The following CISD2 variants were observed in gnomAD, a reference collection of about 807,000 sequenced individuals.
CISD2 encodes the protein CDGSH iron-sulfur domain-containing protein 2.
A neutral mutation model predicts 12.9 loss-of-function variants in CISD2; 1 was observed. That is an observed-to-expected ratio of 0.08 (90% CI 0.03 to 0.37). The LOEUF (loss-of-function observed/expected upper bound fraction) is 0.37, where lower values mean the gene tolerates loss of function less well. CISD2 is among the 10% of genes least tolerant of loss of function. CISD2 has a pLI of 0.99. For missense variants in CISD2, 97 were observed against 163.1 expected, an observed-to-expected ratio of 0.59 and a Z score of 2.21; for synonymous variants, 50 against 60.6, an observed-to-expected ratio of 0.83 and a Z score of 0.81.
intron 1 of CISD2, among the ~76,000 whole-genome samples, chr4:102,877,865 G>T (rs1413775033): frequency 6.6e-6 from 1 of 152,196 alleles, no homozygotes; most frequent in Non-Finnish European, 1.5e-5. Flanking sequence ...CAAGCTGTAT[G>T]TTGGCCCCTT....
chr4:102,888,489 T>C lies in CISD2; in HGVS notation c.*1059T>C, dbSNP rs554440776. The C allele has an allele frequency of 2.0e-5, 3 of 152,352 alleles. No individual in the cohort carries two copies. In the East Asian group the frequency reaches 5.8e-4, roughly 29 times the overall value. 9.4% of individuals were successfully genotyped at this position (152,352 alleles called of 1,614,324 possible). On this transcript the variant is annotated 3_prime_UTR_variant, in exon 3 of 3. Transcript: ENST00000273986. ...TGATTGAAAAAAGTATGCGCGTAAT[T>C]GTACCCACCCAGTTCAAACCCGTGT... is the stretch of plus-strand genomic sequence containing the variant.
intron 1 of CISD2, among the ~76,000 whole-genome samples, chr4:102,871,901 T>A (rs1235254525): frequency 1.3e-5 from 2 of 152,204 alleles, no homozygotes; most frequent in African/African-American, 4.8e-5. Context: ...GACTCTCTTA[T>A]GATGACTCTG....
chr4:102,874,546 A>C (rs532135357), intron 1 of CISD2: 2 of 152,272 alleles, frequency 1.3e-5, no homozygotes, highest in African/African-American at 4.8e-5. Flanking sequence ...ACACCATGTG[A>C]AGATGGAGGC....
chr4:102,885,446 A>T lies in CISD2; in HGVS notation c.318+16A>T, dbSNP rs1224310922. 1 of 1,603,362 alleles carries T rather than the reference A, an allele frequency of 6.2e-7. No homozygotes were observed. Among genetic ancestry groups the T allele is most frequent in the Admixed American group, 1.7e-5 (1 of 60,004 alleles). ...TTCTAAAACGGTAAGATGTCTGTTT[A>T]CGTGTACACTAAAATTTTGCAGTGC... On this transcript the variant is annotated intron_variant, in intron 2 of 2. Coordinates refer to ENST00000273986, the MANE Select transcript of CISD2 (RefSeq NM_001008388.5).
chr4:102,877,818 C>G (rs1560903068), intron 1 of CISD2, among the ~76,000 whole-genome samples: 1 of 152,222 alleles, frequency 6.6e-6, no homozygotes, highest in African/African-American at 2.4e-5. Context: ...ATGGAAGCCA[C>G]CAAGGCTTGT....
rs1341956715 is a variant in CISD2 at position 102,891,725 on chromosome 4, ATTAT to A, written c.*4302_*4305del. On this transcript the variant is annotated 3_prime_UTR_variant, in exon 3 of 3. Coordinates refer to ENST00000273986, the MANE Select transcript of CISD2 (RefSeq NM_001008388.5). ...CTTAATGACTATAATTTACTACATA[ATTAT>A]TTATTTTGTTAAAGTTTGAGGAAAA... 24 of 152,248 alleles carry A rather than the reference ATTAT, an allele frequency of 1.6e-4. No individual in the cohort carries two copies. Among genetic ancestry groups the A allele is most frequent in the Non-Finnish European group, 3.2e-4 (22 of 68,046 alleles). 9.4% of individuals were successfully genotyped at this position (152,248 alleles called of 1,614,324 possible). A position where few individuals can be genotyped will look rare whatever the true frequency, so the allele number is the denominator to read the frequency against.
chr4:102,869,980 T>C (rs1223798222), intron 1 of CISD2, among the ~76,000 whole-genome samples: 1 of 152,090 alleles, frequency 6.6e-6, no homozygotes, highest in Non-Finnish European at 1.5e-5. Flanking sequence ...ACTTGGGAGA[T>C]TGTGTTGAGT....
intron 1 of CISD2, 180 bp downstream of exon 1, chr4:102,869,367 C>G: frequency 1.2e-6 from 1 of 804,068 alleles, no homozygotes; most frequent in Non-Finnish European, 2.1e-6. Flanking sequence ...GTGAGGCAGT[C>G]TCCGGGTGCT....
intron 2 of CISD2, 54 bp from the exon 3 acceptor site, chr4:102,887,287 T>C: frequency 9.6e-7 from 1 of 1,038,626 alleles, no homozygotes; most frequent in Non-Finnish European, 1.5e-6. Context: ...CAAATGTTTC[T>C]ACCTAATGAA....
chr4:102,888,751 G>A lies in CISD2; in HGVS notation c.*1321G>A, dbSNP rs1373998568. The A allele has an allele frequency of 1.3e-5, 2 of 152,254 alleles. No individual in the cohort carries two copies. The highest frequency in any genetic ancestry group is 4.8e-5 in the African/African-American group (2 of 41,450). 9.4% of individuals were successfully genotyped at this position (152,254 alleles called of 1,614,324 possible). On this transcript the variant is annotated 3_prime_UTR_variant, in exon 3 of 3. Transcript: ENST00000273986. ...AGCCCAGGAGTTCAAGGCCAGGCTG[G>A]GCAACCTAGTGCTCCGCCTCTGCTG...
At chr4:102,874,610 G>C (rs1292963310) in intron 1 of CISD2, 1 of 152,222 alleles carries the variant, frequency 6.6e-6, no homozygotes, top group Non-Finnish European at 1.5e-5. Flanking sequence ...TTCTCCCTCA[G>C]ATCCTCCAGA....
At chr4:102,886,996 A>T (rs535295991) in intron 2 of CISD2, among the ~76,000 whole-genome samples, 4 of 152,370 alleles carry the variant, frequency 2.6e-5, no homozygotes, top group Non-Finnish European at 5.9e-5. Context: ...TTTGAATTAA[A>T]TTCCATTGTT....
In CISD2 at chr4:102,869,089, TGCTGGA is replaced by T. The variant is rs1414452002; in HGVS notation, c.7_12del (p.Leu3_Glu4del). On this transcript the variant is annotated inframe_deletion, in exon 1 of 3. Transcript: ENST00000273986. Reference sequence around the variant, plus strand: ...GAGTGGACGCCGCTGGCCAGGATGGTGCTGGAGAGCGTGGCCCGTATCGTGAAGGTG... The same window carrying T: ...GAGTGGACGCCGCTGGCCAGGATGGTGAGCGTGGCCCGTATCGTGAAGGTG... 1.2e-6 allele frequency: 2 copies of T among 1,609,940 alleles called. No individual in the cohort carries two copies. The highest frequency in any genetic ancestry group is 1.7e-6 in the Non-Finnish European group (2 of 1,178,524).
intron 1 of CISD2, among the ~76,000 whole-genome samples, chr4:102,880,149 G>C (rs1733681191): frequency 6.6e-6 from 1 of 151,910 alleles, no homozygotes; most frequent in Non-Finnish European, 1.5e-5. Context: ...TCACCATGTT[G>C]GCCAGGCTGG....
At chr4:102,881,880 T>G (rs1236240780) in intron 1 of CISD2, among the ~76,000 whole-genome samples, 1 of 152,190 alleles carries the variant, frequency 6.6e-6, no homozygotes, top group Non-Finnish European at 1.5e-5. Flanking sequence ...TAGGAAATGC[T>G]ATATTTAAGA....
intron 1 of CISD2, among the ~76,000 whole-genome samples, chr4:102,874,119 C>CT: frequency 7.5e-6 from 1 of 132,532 alleles, no homozygotes; most frequent in Non-Finnish European, 1.6e-5. Flanking sequence ...GAGTAAGACT[C>CT]TGTCTTCAAA....
intron 1 of CISD2, among the ~76,000 whole-genome samples, chr4:102,884,303 C>T (rs75307249): frequency 2.0e-5 from 3 of 152,318 alleles, no homozygotes; most frequent in Non-Finnish European, 2.9e-5. Flanking sequence ...ATAACCTGTT[C>T]ATTTATCTTT....
intron 1 of CISD2, among the ~76,000 whole-genome samples, chr4:102,883,866 CACCAATCTCTAT>C (rs1359608274): frequency 6.6e-6 from 1 of 152,210 alleles, no homozygotes; most frequent in African/African-American, 2.4e-5. Flanking sequence ...AGTACTTCCT[CACCAATCTCTAT>C]AATCTCTGAA....
chr4:102,885,513 TTAAGA>T (rs1475485232), intron 2 of CISD2, 83 bp downstream of exon 2: 5 of 1,053,868 alleles, frequency 4.7e-6, no homozygotes, highest in Middle Eastern at 2.7e-4. Flanking sequence ...TTGAAGTTCT[TTAAGA>T]TGAGAGAATT....
Sources: allele counts gnomAD v4.1 joint callset (sites outside exome capture counted in the v4.1 genomes callset), GRCh38; gene constraint gnomAD v4.1.1; transcripts MANE v1.5; gene names NCBI Gene and HGNC (gene_info 2026-07-23, HGNC 2026-07-21).